UMODL1: variants seen among roughly 807,000 people sequenced by gnomAD.
UMODL1 encodes the protein uromodulin-like 1.
A neutral mutation model predicts 136.3 loss-of-function variants in UMODL1; 128 were observed. The ratio of observed to expected loss-of-function variants is 0.94; its 90% CI spans 0.81 to 1.09. The LOEUF is 1.09. Among genes scored for constraint, UMODL1 ranks in the 50% least tolerant of loss-of-function variants. UMODL1 has a pLI of 0.00. For synonymous variants in UMODL1, 721 were observed against 720.0 expected (o/e 1.00, Z -0.02); for missense variants, 1,766 against 1,725.6 (o/e 1.02, Z -0.41).
chr21:42,133,275 C>T (rs1237582930), intron 21 of UMODL1, among the ~76,000 whole-genome samples: 2 of 152,216 alleles, frequency 1.3e-5, no homozygotes, highest in African/African-American at 4.8e-5. Context: ...CTCTGAGATC[C>T]CACGCTCTGT....
chr21:42,111,092 A>G lies in UMODL1; in HGVS notation c.1870A>G (p.Asn624Asp), dbSNP rs762296088. Residue 624 changes from asparagine to aspartate, a missense_variant, in exon 11 of 23, where the codon AAC becomes GAC. Transcript: ENST00000408910. ...GGSNVVGYDR[N>D]NTGKGVEQEL... is the part of the protein sequence containing the mutation. The stretch of plus-strand genomic sequence containing the variant: ...CAGCAATGTGGTCGGGTATGACAGG[A>G]ACAACACAGGAAAAGGCGTGGAGCA... The G allele has an allele frequency of 6.2e-7, 1 of 1,612,730 alleles. No individual in the cohort carries two copies. The highest frequency in any genetic ancestry group is 8.5e-7 in the Non-Finnish European group (1 of 1,179,678).
chr21:42,072,707 G>T (rs1338978301), intron 1 of UMODL1, among the ~76,000 whole-genome samples: 1 of 152,242 alleles, frequency 6.6e-6, no homozygotes, highest in Non-Finnish European at 1.5e-5. Flanking sequence ...CACTGGGAGG[G>T]CATGACATGG....
intron 13 of UMODL1, among the ~76,000 whole-genome samples, chr21:42,115,505 C>A (rs2066891053): frequency 6.6e-6 from 1 of 152,228 alleles, no homozygotes; most frequent in Admixed American, 6.5e-5. Context: ...GTAGCCCTGG[C>A]AAAGTTATTT....
At chr21:42,139,609 C>G (rs913779382) in intron 22 of UMODL1, among the ~76,000 whole-genome samples, 3 of 152,166 alleles carry the variant, frequency 2.0e-5, no homozygotes, top group African/African-American at 7.2e-5. Context: ...CCAATTTTCC[C>G]TCGATGTTTT....
At chr21:42,066,046 G>C (rs1179403147) in intron 1 of UMODL1, among the ~76,000 whole-genome samples, 3 of 152,190 alleles carry the variant, frequency 2.0e-5, no homozygotes, top group Non-Finnish European at 4.4e-5. Flanking sequence ...ATTCCTGATC[G>C]TGGTGCTAAT....
intron 5 of UMODL1, 25 bp from the exon 6 acceptor site, chr21:42,090,273 T>C: frequency 6.2e-7 from 1 of 1,613,736 alleles, no homozygotes; most frequent in Non-Finnish European, 8.5e-7. Flanking sequence ...CTGCTGAGTG[T>C]GGGTCCTGCT....
intron 1 of UMODL1, 87 bp from the exon 2 acceptor site, chr21:42,075,918 C>T: frequency 6.4e-7 from 1 of 1,564,658 alleles, no homozygotes; most frequent in Non-Finnish European, 8.7e-7. Context: ...CTCTCACTTG[C>T]TATTGCAGAG....
At position 42,123,703 on chromosome 21, in the gene UMODL1, AGT is replaced by A. The variant is rs548212358; in HGVS notation, c.3147+559_3147+560del. Among the ~76,000 whole-genome samples, 19 of 151,344 alleles carry A rather than the reference AGT, an allele frequency of 1.3e-4. No individual in the cohort carries two copies. Among genetic ancestry groups the A allele is most frequent in the Non-Finnish European group, 2.2e-4 (15 of 67,816 alleles). On this transcript the variant is annotated intron_variant, in intron 17 of 22. Coordinates refer to ENST00000408910, the MANE Select transcript of UMODL1 (RefSeq NM_001004416.3). This position sits in a 1 kb window ranked among gnomAD's most constrained non-coding sequence, Gnocchi z 4.4. ...GTGTGCATGCATGTATGAATGTGTG[AGT>A]GTGTGAATGTGAGAATGTGTCTATG...
chr21:42,075,891 C>A (rs62215117), intron 1 of UMODL1, 114 bp from the exon 2 acceptor site: 34,132 of 1,487,724 alleles, frequency 0.023, 501 homozygotes, highest in Non-Finnish European at 0.028. Context: ...GAGGCCTGCG[C>A]GAGTGCGGGA....
intron 6 of UMODL1, among the ~76,000 whole-genome samples, chr21:42,095,685 G>C (rs1298425291): frequency 6.6e-6 from 1 of 152,178 alleles, no homozygotes; most frequent in Admixed American, 6.5e-5. Flanking sequence ...CCTGCTACTG[G>C]TGATAGGAAA....
At chr21:42,136,711 C>A (rs1256807353) in intron 21 of UMODL1, among the ~76,000 whole-genome samples, 2 of 139,186 alleles carry the variant, frequency 1.4e-5, no homozygotes, top group Non-Finnish European at 3.2e-5. Context: ...GGTCCGCACT[C>A]TGTTTTTCTT....
At chr21:42,092,177 G>A (rs926546489) in intron 6 of UMODL1, among the ~76,000 whole-genome samples, 13 of 152,226 alleles carry the variant, frequency 8.5e-5, no homozygotes, top group Admixed American at 3.3e-4. Context: ...CCCGGGTTAG[G>A]AAGACAGCTG....
Position 42,088,412 on chromosome 21 carries a change from C to G in UMODL1, c.722C>G (p.Ala241Gly). Residue 241 changes from alanine (A) to glycine (G), a missense_variant, in exon 5 of 23, where the codon GCT becomes GGT. Ala to Gly is a moderately conservative substitution (Grantham distance 60). Coordinates refer to ENST00000408910, the MANE Select transcript of UMODL1 (RefSeq NM_001004416.3). The part of the protein sequence containing the change: ...LLGLPRPLPV[A>G]DVSTLLGDIA... ...GGCCTGCCACGGCCACTGCCTGTGG[C>G]TGACGTCTCCACCCTGCTGGGTGAC... The G allele has an allele frequency of 6.2e-7, 1 of 1,614,050 alleles. No individual in the cohort carries two copies. Among genetic ancestry groups the G allele is most frequent in the Non-Finnish European group, 8.5e-7 (1 of 1,179,988 alleles).
Position 42,123,137 on chromosome 21 carries a change from C to A in UMODL1, c.3134C>A (p.Thr1045Asn). The A allele has an allele frequency of 6.2e-7, 1 of 1,613,008 alleles. No homozygotes were observed. The highest frequency in any genetic ancestry group is 1.1e-5 in the South Asian group (1 of 90,938). ...LLEAGWSECG[T>N]LMQSNMTNTV... ...GAGGCCGGCTGGAGCGAGTGTGGGA[C>A]CCTCATGCAGAGCGTAAGACCAGGA... Residue 1045 changes from threonine (T) to asparagine (N), a missense_variant, in exon 17 of 23, where the codon ACC becomes AAC. Transcript: ENST00000408910. The surrounding 1 kb of genome is among the most constrained non-coding windows in gnomAD (Gnocchi z 4.4).
chr21:42,090,192 C>A, intron 5 of UMODL1, 106 bp from the exon 6 acceptor site: 1 of 1,514,614 alleles, frequency 6.6e-7, no homozygotes, highest in Non-Finnish European at 9.0e-7. Flanking sequence ...ACCGACGTGG[C>A]ACAAATCCGT....
intron 9 of UMODL1, among the ~76,000 whole-genome samples, chr21:42,108,724 T>C (rs1366633669): frequency 6.6e-6 from 1 of 152,206 alleles, no homozygotes; most frequent in Non-Finnish European, 1.5e-5. Flanking sequence ...ACATTGTCCT[T>C]GTCCTCACCT....
At chr21:42,109,228 T>C (rs892382066) in intron 9 of UMODL1, among the ~76,000 whole-genome samples, 7 of 152,172 alleles carry the variant, frequency 4.6e-5, no homozygotes, top group Non-Finnish European at 7.3e-5. Context: ...TATTGGAGAA[T>C]GTTGGCACAT....
At chr21:42,121,287 T>C (rs2066968747) in intron 16 of UMODL1, 63 bp downstream of exon 16, 4 of 1,551,556 alleles carry the variant, frequency 2.6e-6, no homozygotes, top group Non-Finnish European at 3.5e-6. Flanking sequence ...TTTAAGGACA[T>C]TCACGTGCAA....
intron 12 of UMODL1, among the ~76,000 whole-genome samples, chr21:42,112,209 G>T (rs2066841847): frequency 6.6e-6 from 1 of 151,286 alleles, no homozygotes; most frequent in South Asian, 2.1e-4. Context: ...CAGCCCTGCA[G>T]CTGCTCTGCA....
Sources: gnomAD v4.1 joint callset for allele counts (sites outside exome capture counted in the v4.1 genomes callset) on GRCh38, gnomAD v4.1.1 for gene constraint, Gnocchi (gnomAD v3.1) non-coding constraint, MANE v1.5 for transcripts, NCBI Gene and HGNC (gene_info 2026-07-23, HGNC 2026-07-21) for gene names.